The following BCAS1 variants were observed in gnomAD, a reference collection of about 807,000 sequenced individuals.
BCAS1 encodes the protein brain enriched myelin associated protein 1.
In BCAS1, 46 loss-of-function variants were observed where a neutral mutation model predicts 65.4. The ratio of observed to expected loss-of-function variants is 0.70; its 90% CI spans 0.55 to 0.90. The LOEUF (loss-of-function observed/expected upper bound fraction) is 0.90, where lower values mean the gene tolerates loss of function less well. BCAS1 is among the 40% of genes least tolerant of loss of function. The probability of loss-of-function intolerance (pLI) is 0.00; values close to 1 mark genes in which losing one functional copy is unlikely to be tolerated. For synonymous variants in BCAS1, 298 were observed against 293.5 expected (o/e 1.02, Z -0.16); for missense variants, 793 against 771.2 (o/e 1.03, Z -0.33).
rs878874950 is a variant in BCAS1 at position 53,944,621 on chromosome 20, T to G, written c.*301A>C. The G allele has an allele frequency of 3.3e-6, 1 of 302,902 alleles. No homozygotes were observed. The highest frequency in any genetic ancestry group is 4.2e-5 in the Admixed American group (1 of 23,622). The allele number at this position is 302,902 out of a possible 1,614,324, so 18.8% of individuals were successfully genotyped here. On this transcript the variant is annotated 3_prime_UTR_variant, in exon 13 of 13. Transcript: ENST00000688948. ...ACCACGCCCGGCCACCACTGCCATT[T>G]TCATCACTTAACCCGAACACATTCC...
chr20:54,002,007 C>T (rs540025544), intron 4 of BCAS1, among the ~76,000 whole-genome samples: 2 of 151,386 alleles, frequency 1.3e-5, no homozygotes, highest in South Asian at 4.2e-4. Flanking sequence ...GGCACTCTCT[C>T]TGGCCCTGTG....
At chr20:54,053,586 T>G (rs947361798) in intron 3 of BCAS1, among the ~76,000 whole-genome samples, 1 of 152,268 alleles carries the variant, frequency 6.6e-6, no homozygotes, top group Non-Finnish European at 1.5e-5. Context: ...AATGGCAGTC[T>G]TTATGTCAAT....
chr20:53,985,539 G>A (rs1003636397), intron 7 of BCAS1, 40 bp from the exon 8 acceptor site: 1 of 1,582,882 alleles, frequency 6.3e-7, no homozygotes, highest in African/African-American at 1.4e-5. Context: ...CATTCAAAAT[G>A]GTCTCAAAAT....
In BCAS1 at chr20:53,944,502, T is replaced by G; in HGVS notation, c.*420A>C. Reference sequence around the variant, plus strand: ...TTTTGTATTTTTAGTAGAGACGGGGTTTCATGATGTTGGCCAGGCTAGTCT... The same window carrying G: ...TTTTGTATTTTTAGTAGAGACGGGGGTTCATGATGTTGGCCAGGCTAGTCT... On this transcript the variant is annotated 3_prime_UTR_variant, in exon 13 of 13. Transcript: ENST00000688948. The G allele has an allele frequency of 5.8e-6, 1 of 172,888 alleles. No homozygotes were observed. Among genetic ancestry groups the G allele is most frequent in the Non-Finnish European group, 1.2e-5 (1 of 80,226 alleles). The allele number at this position is 172,888 out of a possible 1,614,324, so 10.7% of individuals were successfully genotyped here.
chr20:53,997,892 C>T (rs567689721), intron 4 of BCAS1, among the ~76,000 whole-genome samples: 3 of 152,220 alleles, frequency 2.0e-5, no homozygotes, highest in African/African-American at 4.8e-5. Flanking sequence ...CTTCACTCTT[C>T]GCCCTCCCTT....
chr20:53,954,336 G>GAGAGAGA lies in BCAS1; in HGVS notation c.1552-642_1552-641insTCTCTCT, dbSNP rs1159772238. Among the ~76,000 whole-genome samples, 297 of 83,986 alleles carry GAGAGAGA rather than the reference G, an allele frequency of 3.5e-3. 5 individuals carry two copies. The highest frequency in any genetic ancestry group is 0.016 in the Middle Eastern group (2 of 122). The allele number at this position is 83,986 out of a possible 152,430, so 55.1% of individuals were successfully genotyped here. On this transcript the variant is annotated intron_variant, in intron 11 of 12. Transcript: ENST00000688948. ...GAGAGAGAGAGAGAGAGAGAGAGAG[G>GAGAGAGA]GACCAGGCATTGATGGTATCATGCG...
At chr20:53,977,694 T>C (rs2090369726) in intron 8 of BCAS1, among the ~76,000 whole-genome samples, 1 of 152,204 alleles carries the variant, frequency 6.6e-6, no homozygotes, top group Admixed American at 6.5e-5. Context: ...ATCTTCATTA[T>C]GGTTTCAGAC....
At chr20:53,998,229 C>T (rs1229062330) in intron 4 of BCAS1, among the ~76,000 whole-genome samples, 3 of 152,084 alleles carry the variant, frequency 2.0e-5, no homozygotes, top group Non-Finnish European at 4.4e-5. Context: ...GGTTGACTAT[C>T]CCAACCACTG....
intron 3 of BCAS1, among the ~76,000 whole-genome samples, chr20:54,057,477 TA>T (rs2092313102): frequency 6.6e-6 from 1 of 152,198 alleles, no homozygotes; most frequent in Admixed American, 6.5e-5. Flanking sequence ...GATTGCAACC[TA>T]GGTCTGCCAA....
chr20:53,969,414 G>C (rs2090123115), intron 9 of BCAS1, among the ~76,000 whole-genome samples: 1 of 151,984 alleles, frequency 6.6e-6, no homozygotes, highest in African/African-American at 2.4e-5. Flanking sequence ...ATTGTACCGG[G>C]TGTTTAATAT....
At chr20:54,001,829 T>C (rs898812065) in intron 4 of BCAS1, among the ~76,000 whole-genome samples, 4 of 152,212 alleles carry the variant, frequency 2.6e-5, no homozygotes, top group African/African-American at 9.6e-5. Flanking sequence ...AAATTGGCTC[T>C]GTCTGGGCAG....
intron 4 of BCAS1, among the ~76,000 whole-genome samples, chr20:54,021,608 T>A (rs762481589): frequency 6.6e-6 from 1 of 151,836 alleles, no homozygotes; most frequent in Non-Finnish European, 1.5e-5. Context: ...GAAGCCATTA[T>A]CTTTGGCAAA....
chr20:54,060,913 A>G (rs2092369360), intron 1 of BCAS1, among the ~76,000 whole-genome samples: 1 of 152,192 alleles, frequency 6.6e-6, no homozygotes, highest in South Asian at 2.1e-4. Flanking sequence ...ATAACGATTG[A>G]TAGCATCTCT....
At chr20:53,984,430 G>T (rs1006109770) in intron 8 of BCAS1, among the ~76,000 whole-genome samples, 1 of 152,286 alleles carries the variant, frequency 6.6e-6, no homozygotes, top group South Asian at 2.1e-4. Context: ...AAGGGGCCCC[G>T]CATCCAGCTG....
chr20:54,000,014 GC>G (rs1304018322), intron 4 of BCAS1, among the ~76,000 whole-genome samples: 1 of 152,210 alleles, frequency 6.6e-6, no homozygotes, highest in South Asian at 2.1e-4. Context: ...ACAGGCATGA[GC>G]CACTGCGCCT....
At chr20:53,982,072 A>G (rs1186529383) in intron 8 of BCAS1, among the ~76,000 whole-genome samples, 2 of 152,158 alleles carry the variant, frequency 1.3e-5, no homozygotes, top group Admixed American at 6.5e-5. Context: ...TGTGAGAAAA[A>G]CACAGTCCTT....
intron 4 of BCAS1, among the ~76,000 whole-genome samples, chr20:54,020,239 A>T (rs112219140): frequency 1.4e-3 from 213 of 152,320 alleles, no homozygotes; most frequent in Non-Finnish European, 2.4e-3. Flanking sequence ...AGTAAACTTG[A>T]TAAGTTATAG....
chr20:53,988,838 G>C (rs2090680736), intron 7 of BCAS1, among the ~76,000 whole-genome samples: 1 of 152,134 alleles, frequency 6.6e-6, no homozygotes, highest in African/African-American at 2.4e-5. Context: ...ACACTAATGA[G>C]GGGGCAGAGC....
At chr20:53,947,368 C>A (rs1409732537) in intron 12 of BCAS1, among the ~76,000 whole-genome samples, 1 of 152,182 alleles carries the variant, frequency 6.6e-6, no homozygotes, top group African/African-American at 2.4e-5. Flanking sequence ...CTACTGCAGA[C>A]AATACATTGT....
Sources: gnomAD v4.1 joint callset for allele counts (sites outside exome capture counted in the v4.1 genomes callset) on GRCh38, gnomAD v4.1.1 for gene constraint, MANE v1.5 for transcripts, NCBI Gene and HGNC (gene_info 2026-07-23, HGNC 2026-07-21) for gene names.